Variants in ANO4 observed in about 807,000 individuals in gnomAD.
The protein encoded by ANO4 is anoctamin-4.
Under a neutral mutation model 141.9 loss-of-function variants are expected in ANO4, and 69 were observed. That is an observed-to-expected ratio of 0.49 (90% CI 0.40 to 0.59). The LOEUF (loss-of-function observed/expected upper bound fraction) is 0.59, where lower values mean the gene tolerates loss of function less well. Among genes scored for constraint, ANO4 ranks in the 20% least tolerant of loss-of-function variants. The pLI, the probability that ANO4 is intolerant of heterozygous loss-of-function variation, is 0.00. For missense variants in ANO4, 894 were observed against 1,162.2 expected (o/e 0.77, Z 3.36); for synonymous variants, 350 against 394.3 (o/e 0.89, Z 1.33).
intron 1 of ANO4, among the ~76,000 whole-genome samples, chr12:100,811,410 T>G (rs2035427606): frequency 6.6e-6 from 1 of 152,206 alleles, no homozygotes; most frequent in South Asian, 2.1e-4. Context: ...AATAAGTATA[T>G]TTTTGTAAAT....
intron 1 of ANO4, among the ~76,000 whole-genome samples, chr12:100,884,431 A>G (rs939665573): frequency 1.1e-4 from 17 of 152,220 alleles, no homozygotes; most frequent in Non-Finnish European, 1.5e-4. Flanking sequence ...GGGAAGGCCT[A>G]TCAGTGGCTG....
chr12:100,841,110 C>T (rs1465991919), intron 1 of ANO4, among the ~76,000 whole-genome samples: 1 of 151,994 alleles, frequency 6.6e-6, no homozygotes, highest in South Asian at 2.1e-4. Flanking sequence ...GTTACTGAAC[C>T]AGAAATGAGG....
chr12:101,079,338 C>A (rs1261067091), intron 15 of ANO4, 63 bp downstream of exon 15: 10 of 1,374,342 alleles, frequency 7.3e-6, no homozygotes, highest in South Asian at 7.1e-5. Context: ...ACGACCCCCC[C>A]CCAAAATTGT....
At chr12:100,889,994 T>C (rs2040025352) in intron 1 of ANO4, among the ~76,000 whole-genome samples, 1 of 152,178 alleles carries the variant, frequency 6.6e-6, no homozygotes, top group African/African-American at 2.4e-5. Context: ...ATAATATATT[T>C]AACTATTGCC....
chr12:100,862,295 C>T (rs1449628341), intron 1 of ANO4, among the ~76,000 whole-genome samples: 6 of 152,086 alleles, frequency 3.9e-5, no homozygotes, highest in African/African-American at 7.2e-5. Flanking sequence ...ACAGTAAATA[C>T]ATAAACCAGT....
chr12:101,032,362 GA>G (rs1317349245), intron 9 of ANO4, among the ~76,000 whole-genome samples: 1 of 152,228 alleles, frequency 6.6e-6, no homozygotes, highest in Non-Finnish European at 1.5e-5. Flanking sequence ...ATGGTGCTGG[GA>G]AAACGGGCTA....
At chr12:100,881,988 G>C (rs557474303) in intron 1 of ANO4, among the ~76,000 whole-genome samples, 1 of 152,268 alleles carries the variant, frequency 6.6e-6, no homozygotes, top group Admixed American at 6.5e-5. Flanking sequence ...TATTCTAAAA[G>C]TGGTATTGAC....
chr12:100,841,507 G>A lies in ANO4; in HGVS notation c.-141+46480G>A, dbSNP rs566305019. ...GGTAAATGCTACAAAGAAAGATGAA[G>A]CTGGGTGAGGAGATATAGAATAATG... is the stretch of plus-strand genomic sequence containing the variant. On this transcript the variant is annotated intron_variant, in intron 1 of 27. Coordinates refer to ENST00000392977, the MANE Select transcript of ANO4 (RefSeq NM_001286615.2). 3.3e-5 allele frequency among the ~76,000 whole-genome samples: 5 copies of A among 152,256 alleles called. No individual in the cohort carries two copies. The East Asian group carries it at 9.7e-4, about 29-fold the overall frequency.
chr12:100,979,523 G>C (rs1487225982), intron 7 of ANO4, among the ~76,000 whole-genome samples: 1 of 152,038 alleles, frequency 6.6e-6, no homozygotes. Context: ...ATGAGGGCTG[G>C]ATGAATCAGA....
intron 9 of ANO4, among the ~76,000 whole-genome samples, chr12:101,028,637 A>G (rs983392956): frequency 2.6e-5 from 4 of 152,198 alleles, no homozygotes; most frequent in Non-Finnish European, 4.4e-5. Context: ...AAAAAAGAAT[A>G]AAAAGGAACA....
intron 14 of ANO4, among the ~76,000 whole-genome samples, chr12:101,051,009 T>C (rs912865053): frequency 6.6e-6 from 1 of 152,196 alleles, no homozygotes; most frequent in Non-Finnish European, 1.5e-5. Context: ...ATTTCAAATA[T>C]ACTTTGAATT....
At chr12:100,974,948 C>A in intron 7 of ANO4, 59 bp downstream of exon 7, 1 of 1,574,392 alleles carries the variant, frequency 6.4e-7, no homozygotes, top group Non-Finnish European at 8.7e-7. Context: ...TGTGCTCCAA[C>A]AATGACAAGG....
intron 3 of ANO4, among the ~76,000 whole-genome samples, chr12:100,773,354 C>A (rs2033375535): frequency 6.6e-6 from 1 of 152,138 alleles, no homozygotes; most frequent in African/African-American, 2.4e-5. Flanking sequence ...TCAGAGTGTC[C>A]TAGATATTTG....
At chr12:100,833,344 A>T (rs1425661902) in intron 1 of ANO4, among the ~76,000 whole-genome samples, 1 of 152,158 alleles carries the variant, frequency 6.6e-6, no homozygotes, top group Non-Finnish European at 1.5e-5. Flanking sequence ...AATGGAATAT[A>T]TTGTCATTCA....
At chr12:100,861,857 T>C (rs1167120841) in intron 1 of ANO4, among the ~76,000 whole-genome samples, 2 of 152,340 alleles carry the variant, frequency 1.3e-5, no homozygotes, top group South Asian at 2.1e-4. Flanking sequence ...CTTTAAACTT[T>C]CTTTGTTAAG....
At chr12:100,911,838 T>C (rs941161797) in intron 2 of ANO4, among the ~76,000 whole-genome samples, 1 of 152,216 alleles carries the variant, frequency 6.6e-6, no homozygotes, top group South Asian at 2.1e-4. Flanking sequence ...GATAAACTTA[T>C]GCTTTAGGGA....
At position 100,895,806 on chromosome 12, in the gene ANO4, C is replaced by T. The variant is rs553381311; in HGVS notation, c.-140-5840C>T. Among the ~76,000 whole-genome samples, 8 of 152,160 alleles carry T rather than the reference C, an allele frequency of 5.3e-5. No homozygotes were observed. In the South Asian group the frequency reaches 1.7e-3, roughly 32 times the overall value. On this transcript the variant is annotated intron_variant, in intron 1 of 27. Coordinates refer to ENST00000392977, the MANE Select transcript of ANO4 (RefSeq NM_001286615.2). ...CAAACTCCTGACCTCAGATGATCCA[C>T]CCGCCTTGGCCTCCCAAAGTGCTGG...
intron 5 of ANO4, among the ~76,000 whole-genome samples, chr12:100,967,533 C>A (rs1035565044): frequency 2.7e-5 from 4 of 150,566 alleles, no homozygotes; most frequent in South Asian, 2.1e-4. Flanking sequence ...AAATAATAAG[C>A]CCCATACACT....
At chr12:101,048,840 G>A (rs1352634079) in intron 14 of ANO4, among the ~76,000 whole-genome samples, 1 of 152,090 alleles carries the variant, frequency 6.6e-6, no homozygotes, top group Admixed American at 6.5e-5. Flanking sequence ...ACTGATTTGA[G>A]CTTTTTGATA....
Sources: gnomAD v4.1 joint callset for allele counts (sites outside exome capture counted in the v4.1 genomes callset) on GRCh38, gnomAD v4.1.1 for gene constraint, MANE v1.5 for transcripts, NCBI Gene and HGNC (gene_info 2026-07-23, HGNC 2026-07-21) for gene names.